CNNM1: variants seen among roughly 807,000 people sequenced by gnomAD.
CNNM1 encodes the protein cyclin and CBS domain divalent metal cation transport mediator 1, also known as metal transporter CNNM1.
Under a neutral mutation model 78.8 loss-of-function variants are expected in CNNM1, and 44 were observed. The ratio of observed to expected loss-of-function variants is 0.56; its 90% confidence interval spans 0.44 to 0.72. The LOEUF is 0.72. CNNM1 is among the 30% of genes least tolerant of loss of function. CNNM1 has a pLI of 0.00. For missense variants in CNNM1, 1,101 were observed against 1,292.2 expected, an observed-to-expected ratio of 0.85 and a Z score of 2.27; for synonymous variants, 584 against 581.5, an observed-to-expected ratio of 1.00 and a Z score of -0.06.
chr10:99,364,358 T>C (rs1319930259), intron 4 of CNNM1, 59 bp from the exon 5 acceptor site: 2 of 1,282,422 alleles, frequency 1.6e-6, no homozygotes, highest in Non-Finnish European at 1.1e-6. Context: ...TTCGAGTCAA[T>C]AGTAGAACTG....
chr10:99,351,094 T>A (rs780333065), intron 1 of CNNM1, among the ~76,000 whole-genome samples: 1 of 152,188 alleles, frequency 6.6e-6, no homozygotes, highest in African/African-American at 2.4e-5. Context: ...TTTGGGTATG[T>A]CGATACGAGG....
chr10:99,336,896 A>G (rs2030212846), intron 1 of CNNM1, among the ~76,000 whole-genome samples: 1 of 152,152 alleles, frequency 6.6e-6, no homozygotes. Flanking sequence ...GTAAGCCAAG[A>G]TCATGCCACT....
rs529850355 is a variant in CNNM1, at chr10:99,338,440, G to A, written c.1573+7480G>A. Reference sequence around the variant, plus strand: ...ACTACAGGCATGTGCCACCATGCCCGGCTAAATTTTTGTATTTTAGTAGAG... The same window carrying A: ...ACTACAGGCATGTGCCACCATGCCCAGCTAAATTTTTGTATTTTAGTAGAG... On this transcript the variant is annotated intron_variant, in intron 1 of 10. Transcript: ENST00000356713. Among the ~76,000 whole-genome samples the A allele has an allele frequency of 3.3e-5, 5 of 151,958 alleles. No individual in the cohort carries two copies. The South Asian group carries it at 8.3e-4, about 25-fold the overall frequency.
intron 6 of CNNM1, chr10:99,368,668 G>T: frequency 3.9e-6 from 5 of 1,289,654 alleles, no homozygotes; most frequent in Non-Finnish European, 5.1e-6. Context: ...GGACTCTCTG[G>T]CAGGCTCCCC....
At chr10:99,365,116 G>A (rs1266005714) in intron 6 of CNNM1, 114 bp downstream of exon 6, 3 of 1,031,466 alleles carry the variant, frequency 2.9e-6, no homozygotes, top group Non-Finnish European at 4.5e-6. Flanking sequence ...ACAAATGCTG[G>A]CAGCCCCTTT....
intron 8 of CNNM1, 68 bp downstream of exon 8, chr10:99,388,071 T>G: frequency 6.3e-7 from 1 of 1,590,940 alleles, no homozygotes; most frequent in South Asian, 1.1e-5. Context: ...CTTCCTCTTC[T>G]AGCCCTTCCC....
At chr10:99,373,978 G>A (rs1186365071) in intron 6 of CNNM1, among the ~76,000 whole-genome samples, 1 of 152,058 alleles carries the variant, frequency 6.6e-6, no homozygotes, top group Non-Finnish European at 1.5e-5. Context: ...ATCCATTGAT[G>A]GACACTTGGG....
At chr10:99,377,658 G>A (rs550152544) in intron 7 of CNNM1, among the ~76,000 whole-genome samples, 1 of 152,252 alleles carries the variant, frequency 6.6e-6, no homozygotes, top group South Asian at 2.1e-4. Flanking sequence ...CCTGTCTGTT[G>A]GTTAAAAAGA....
chr10:99,366,756 T>C (rs528118176), intron 6 of CNNM1, among the ~76,000 whole-genome samples: 1 of 152,150 alleles, frequency 6.6e-6, no homozygotes, highest in African/African-American at 2.4e-5. Context: ...TACTCCAGCC[T>C]GGCTACAGAG....
intron 6 of CNNM1, among the ~76,000 whole-genome samples, chr10:99,371,780 G>C (rs1589913100): frequency 6.6e-6 from 1 of 152,092 alleles, no homozygotes; most frequent in East Asian, 1.9e-4. Flanking sequence ...TCGGTTGTCT[G>C]ATGCTAAATA....
chr10:99,380,745 C>T (rs1345899517), intron 7 of CNNM1, among the ~76,000 whole-genome samples: 1 of 151,090 alleles, frequency 6.6e-6, no homozygotes, highest in African/African-American at 2.4e-5. Context: ...GAACTGAGAT[C>T]GTGCCACTGC....
chr10:99,357,649 C>T lies in CNNM1; in HGVS notation c.1711C>T (p.Leu571Phe), dbSNP rs1157646371. ...IKSEILDETD[L>F]YTDNRKKQRV... ...GTCGGAGATCCTGGATGAAACTGAT[C>T]TCTACAGTAAGTGCACGGCCTTGGC... Residue 571 changes from leucine to phenylalanine, a missense_variant, in exon 2 of 11, where the codon CTC (leucine) becomes TTC (phenylalanine). Leu to Phe is a conservative substitution (Grantham distance 22). Coordinates refer to ENST00000356713, the MANE Select transcript of CNNM1 (RefSeq NM_020348.3). 1 of 1,609,854 alleles carries T rather than the reference C, an allele frequency of 6.2e-7. No homozygotes were observed. The highest frequency in any genetic ancestry group is 1.7e-5 in the Admixed American group (1 of 59,322).
At chr10:99,367,467 G>T (rs2031660443) in intron 6 of CNNM1, among the ~76,000 whole-genome samples, 1 of 152,148 alleles carries the variant, frequency 6.6e-6, no homozygotes, top group African/African-American at 2.4e-5. Flanking sequence ...AGGGTAGCTG[G>T]AATAGGTGCA....
At chr10:99,365,080 C>G (rs753737320) in intron 6 of CNNM1, 78 bp downstream of exon 6, 1 of 1,452,562 alleles carries the variant, frequency 6.9e-7, no homozygotes, top group Admixed American at 1.7e-5. Flanking sequence ...CTGGACCGAG[C>G]ACTTTGAGCC....
Position 99,390,329 on chromosome 10 carries a change from A to G in CNNM1, c.2698A>G (p.Ile900Val). 2 of 1,612,988 alleles carry G rather than the reference A, an allele frequency of 1.2e-6. No homozygotes were observed. Among genetic ancestry groups the G allele is most frequent in the Non-Finnish European group, 1.7e-6 (2 of 1,179,548 alleles). Residue 900 changes from isoleucine to valine, a missense_variant, in exon 10 of 11, where the codon ATC becomes GTC. Ile to Val is a conservative substitution (Grantham distance 29). Coordinates refer to ENST00000356713, the MANE Select transcript of CNNM1 (RefSeq NM_020348.3). ...AGCATCAGATAGTGAATGTTGTAAC[A>G]TCAACCTGGATACAGAGACCAGCCC... is the stretch of plus-strand genomic sequence containing the variant. ...RAASDSECCNINLDTETSPCS... is the reference protein window; with the variant it reads ...RAASDSECCNVNLDTETSPCS...
At chr10:99,338,562 AG>A (rs1418293299) in intron 1 of CNNM1, among the ~76,000 whole-genome samples, 1 of 152,132 alleles carries the variant, frequency 6.6e-6, no homozygotes, top group African/African-American at 2.4e-5. Flanking sequence ...TACAGGTGTG[AG>A]CCATTGCACC....
Position 99,381,603 on chromosome 10 carries a change from A to T in CNNM1, c.2340+4385A>T, listed in dbSNP as rs183184566. On this transcript the variant is annotated intron_variant, in intron 7 of 10. Coordinates refer to ENST00000356713, the MANE Select transcript of CNNM1 (RefSeq NM_020348.3). The stretch of plus-strand genomic sequence containing the variant: ...CTAAAAATAAAAAAATTACCCAGTC[A>T]TGGTGGCAGGCACCTGTAATCCCAG... Among the ~76,000 whole-genome samples the T allele has an allele frequency of 1.8e-3, 272 of 150,780 alleles. 1 individual carries two copies. Among genetic ancestry groups the T allele is most frequent in the Admixed American group, 3.0e-3 (46 of 15,172 alleles).
At chr10:99,368,630 TGTCTC>T (rs1490257554) in intron 6 of CNNM1, 10 of 1,289,686 alleles carry the variant, frequency 7.8e-6, no homozygotes, top group Non-Finnish European at 1.0e-5. Flanking sequence ...CCTGTCTCTG[TGTCTC>T]GTACCTTCGC....
At chr10:99,385,446 C>A (rs1393333489) in intron 7 of CNNM1, among the ~76,000 whole-genome samples, 1 of 152,228 alleles carries the variant, frequency 6.6e-6, no homozygotes, top group Non-Finnish European at 1.5e-5. Flanking sequence ...TCCAGTCACA[C>A]TGACTTTGGG....
Sources: allele counts gnomAD v4.1 joint callset (sites outside exome capture counted in the v4.1 genomes callset), GRCh38; gene constraint gnomAD v4.1.1; transcripts MANE v1.5; gene names NCBI Gene and HGNC (gene_info 2026-07-23, HGNC 2026-07-21).